Variants in FOXP1 observed in about 807,000 individuals in gnomAD.
FOXP1 encodes the protein forkhead box protein P1.
In FOXP1, 15 loss-of-function variants were observed where a neutral mutation model predicts 98.2. The observed-to-expected ratio is 0.15, with a 90% CI of 0.10 to 0.24. The LOEUF (loss-of-function observed/expected upper bound fraction) is 0.24. FOXP1 is among the 10% of genes least tolerant of loss of function. The pLI is 1.00. For missense variants in FOXP1, 633 were observed against 848.5 expected (o/e 0.75, Z 3.15); for synonymous variants, 371 against 314.5 (o/e 1.18, Z -1.90).
intron 5 of FOXP1, among the ~76,000 whole-genome samples, chr3:71,207,257 T>TC (rs2064110179): frequency 6.6e-6 from 1 of 151,622 alleles, no homozygotes. Flanking sequence ...CTTTTTTTTT[T>TC]TTCATTTCTA....
chr3:71,314,534 T>A (rs981602995), intron 4 of FOXP1, among the ~76,000 whole-genome samples: 2 of 147,480 alleles, frequency 1.4e-5, no homozygotes, highest in South Asian at 2.1e-4. Flanking sequence ...CTAAAAAATA[T>A]ATATATATAT....
intron 7 of FOXP1, among the ~76,000 whole-genome samples, chr3:71,111,763 C>G (rs2057948478): frequency 6.6e-6 from 1 of 152,168 alleles, no homozygotes; most frequent in African/African-American, 2.4e-5. Flanking sequence ...TTCAATGTGC[C>G]TGAAATCAGA....
intron 2 of FOXP1, among the ~76,000 whole-genome samples, chr3:71,500,949 T>C (rs996202571): frequency 6.6e-6 from 1 of 152,288 alleles, no homozygotes; most frequent in East Asian, 1.9e-4. Context: ...TTCAGCACTT[T>C]GGGAGGCTGA....
chr3:71,568,054 G>T (rs2047045201), intron 2 of FOXP1: 3 of 112,510 alleles, frequency 2.7e-5, no homozygotes, highest in East Asian at 3.3e-4. Flanking sequence ...GAGGGGAGGG[G>T]AGGGGAAGAG....
chr3:71,115,737 C>CTTTT (rs5849989), intron 6 of FOXP1, among the ~76,000 whole-genome samples: 1 of 116,114 alleles, frequency 8.6e-6, no homozygotes, highest in East Asian at 2.3e-4. Flanking sequence ...CAAAACTATT[C>CTTTT]TTTTTTTTTT....
At chr3:71,476,511 G>A (rs2106778009) in intron 3 of FOXP1, among the ~76,000 whole-genome samples, 1 of 152,116 alleles carries the variant, frequency 6.6e-6, no homozygotes, top group South Asian at 2.1e-4. Context: ...GAGTCCTCGG[G>A]TTATGGGTAA....
intron 4 of FOXP1, among the ~76,000 whole-genome samples, chr3:71,314,993 T>C (rs912548757): frequency 6.8e-6 from 1 of 146,400 alleles, no homozygotes; most frequent in Non-Finnish European, 1.5e-5. Flanking sequence ...TTGGCTGAAC[T>C]GTGCCTCAGA....
chr3:71,260,315 C>A (rs925827971), intron 5 of FOXP1, among the ~76,000 whole-genome samples: 2 of 151,994 alleles, frequency 1.3e-5, no homozygotes, highest in Non-Finnish European at 2.9e-5. Flanking sequence ...AGGCTCGGGG[C>A]GCGGGGGGAG....
At chr3:71,188,952 AT>A (rs1473137730) in intron 6 of FOXP1, among the ~76,000 whole-genome samples, 2 of 152,202 alleles carry the variant, frequency 1.3e-5, no homozygotes, top group East Asian at 3.8e-4. Context: ...CACAGTTGGT[AT>A]CTGCACTATC....
At chr3:71,243,027 C>T (rs947481489) in intron 5 of FOXP1, among the ~76,000 whole-genome samples, 20 of 152,116 alleles carry the variant, frequency 1.3e-4, no homozygotes, top group East Asian at 1.9e-4. Flanking sequence ...AAGAGCCACC[C>T]GCCATTCCAT....
At chr3:71,411,186 T>TA (rs766751849) in intron 3 of FOXP1, among the ~76,000 whole-genome samples, 1 of 152,138 alleles carries the variant, frequency 6.6e-6, no homozygotes, top group Non-Finnish European at 1.5e-5. Context: ...TTGTAACCCC[T>TA]AGCTCCATTC....
intron 7 of FOXP1, among the ~76,000 whole-genome samples, chr3:71,070,898 C>T (rs184179482): frequency 6.6e-6 from 1 of 152,232 alleles, no homozygotes; most frequent in African/African-American, 2.4e-5. Context: ...CTTTAGATGC[C>T]GAGTAAATGG....
intron 6 of FOXP1, among the ~76,000 whole-genome samples, chr3:71,177,706 G>C (rs977457497): frequency 1.3e-5 from 2 of 152,148 alleles, no homozygotes; most frequent in African/African-American, 2.4e-5. Flanking sequence ...AGAAGGAACT[G>C]TACTAACACA....
chr3:71,204,156 T>G (rs7428558), intron 5 of FOXP1, among the ~76,000 whole-genome samples: 1 of 152,122 alleles, frequency 6.6e-6, no homozygotes. Flanking sequence ...AAATTACTCA[T>G]GTTGCATCAT....
intron 11 of FOXP1, among the ~76,000 whole-genome samples, chr3:71,027,811 T>C (rs1396910150): frequency 6.6e-6 from 1 of 152,216 alleles, no homozygotes. Flanking sequence ...ATGTATATAA[T>C]TAATAAACAT....
At chr3:71,390,406 C>CT (rs2080943258) in intron 3 of FOXP1, among the ~76,000 whole-genome samples, 1 of 152,180 alleles carries the variant, frequency 6.6e-6, no homozygotes, top group African/African-American at 2.4e-5. Flanking sequence ...TGCAACCCAC[C>CT]TTCTCTGTAA....
intron 5 of FOXP1, among the ~76,000 whole-genome samples, chr3:71,255,293 CTGTCCCCA>C (rs993248366): frequency 3.9e-5 from 6 of 152,182 alleles, no homozygotes; most frequent in Admixed American, 6.5e-5. Flanking sequence ...TAGCCTTACA[CTGTCCCCA>C]TGTGCAACAT....
At chr3:71,008,347 T>C (rs139848948) in intron 12 of FOXP1, among the ~76,000 whole-genome samples, 5 of 152,222 alleles carry the variant, frequency 3.3e-5, no homozygotes, top group Admixed American at 3.3e-4. Context: ...GATTGTGTCT[T>C]TCACCTGGTT....
chr3:71,221,745 C>A (rs2065402196), intron 5 of FOXP1, among the ~76,000 whole-genome samples: 1 of 152,204 alleles, frequency 6.6e-6, no homozygotes, highest in Admixed American at 6.5e-5. Context: ...CTCCATGCAG[C>A]TAAGCTTTTT....
Sources: gnomAD v4.1 joint callset for allele counts (sites outside exome capture counted in the v4.1 genomes callset) on GRCh38, gnomAD v4.1.1 for gene constraint, MANE v1.5 for transcripts, NCBI Gene and HGNC (gene_info 2026-07-23, HGNC 2026-07-21) for gene names.